Variants in DIPK1A observed in about 807,000 individuals in gnomAD.
DIPK1A encodes the protein family with sequence similarity 69 member A.
In DIPK1A, 27 loss-of-function variants were observed where a neutral mutation model predicts 40.8. That is an observed-to-expected ratio of 0.66 (90% CI 0.49 to 0.91). The LOEUF is 0.91. DIPK1A is among the 40% of genes least tolerant of loss of function. The pLI is 0.00. For synonymous variants in DIPK1A, 166 were observed against 171.3 expected (o/e 0.97, Z 0.24); for missense variants, 412 against 505.7 (o/e 0.81, Z 1.78).
At chr1:92,854,427 T>C (rs1451395006) in intron 2 of DIPK1A, among the ~76,000 whole-genome samples, 5 of 152,240 alleles carry the variant, frequency 3.3e-5, no homozygotes, top group African/African-American at 9.6e-5. Flanking sequence ...TAATGACTAT[T>C]GTATATTGCT....
At chr1:92,855,620 C>T (rs1687964283) in intron 2 of DIPK1A, among the ~76,000 whole-genome samples, 1 of 151,466 alleles carries the variant, frequency 6.6e-6, no homozygotes, top group African/African-American at 2.4e-5. Context: ...AGGAGGATCC[C>T]TTGAACCCAT....
intron 2 of DIPK1A, among the ~76,000 whole-genome samples, chr1:92,857,281 T>C (rs1041671305): frequency 9.9e-5 from 15 of 152,016 alleles, no homozygotes; most frequent in African/African-American, 3.6e-4. Context: ...AGGTTAAGAT[T>C]TGTTAAGAAG....
downstream of DIPK1A, chr1:92,840,661 C>A: frequency 6.4e-7 from 1 of 1,571,218 alleles, no homozygotes; most frequent in South Asian, 1.1e-5. Flanking sequence ...TTTTTTTTGT[C>A]TTTTCAAGAA....
At chr1:92,909,773 A>G (rs1008210648) in intron 1 of DIPK1A, among the ~76,000 whole-genome samples, 9 of 152,220 alleles carry the variant, frequency 5.9e-5, no homozygotes, top group African/African-American at 2.2e-4. Context: ...TCTGCTTTTC[A>G]ATAACAGCAA....
intron 1 of DIPK1A, among the ~76,000 whole-genome samples, chr1:92,902,501 C>T (rs1649460610): frequency 6.6e-6 from 1 of 152,152 alleles, no homozygotes; most frequent in African/African-American, 2.4e-5. Context: ...ATGAGGCCCA[C>T]AAGGAGTGGA....
intron 1 of DIPK1A, among the ~76,000 whole-genome samples, chr1:92,889,720 C>T (rs1041178966): frequency 6.6e-6 from 1 of 151,972 alleles, no homozygotes; most frequent in Non-Finnish European, 1.5e-5. Context: ...TAATCTCGAC[C>T]CACTGCAGCC....
chr1:92,901,290 G>A (rs1021124831), intron 1 of DIPK1A, among the ~76,000 whole-genome samples: 38 of 152,024 alleles, frequency 2.5e-4, no homozygotes, highest in Admixed American at 1.2e-3. Flanking sequence ...TAGCAGTGCT[G>A]GGTTCTGGGA....
At chr1:92,901,943 A>G (rs1649430050) in intron 1 of DIPK1A, among the ~76,000 whole-genome samples, 1 of 152,130 alleles carries the variant, frequency 6.6e-6, no homozygotes, top group South Asian at 2.1e-4. Context: ...ACAGGATATT[A>G]CATCAGCTCA....
intron 1 of DIPK1A, 28 bp downstream of exon 1, chr1:92,961,348 G>T: frequency 1.3e-6 from 2 of 1,487,692 alleles, no homozygotes; most frequent in Non-Finnish European, 1.8e-6. Flanking sequence ...TGCTCCCGCA[G>T]CTGGTGGCTG....
At chr1:92,895,774 T>C (rs981869761) in intron 1 of DIPK1A, among the ~76,000 whole-genome samples, 1 of 151,950 alleles carries the variant, frequency 6.6e-6, no homozygotes, top group Non-Finnish European at 1.5e-5. Context: ...CAGCCCAAAA[T>C]CTCCTTAAGC....
chr1:92,883,155 A>G (rs1648453596), intron 1 of DIPK1A, among the ~76,000 whole-genome samples: 2 of 152,238 alleles, frequency 1.3e-5, no homozygotes, highest in South Asian at 2.1e-4. Flanking sequence ...AAGAGCTTCA[A>G]GGCTAAGAAA....
intron 4 of DIPK1A, chr1:92,846,013 TAACC>T (rs1687588445): frequency 6.6e-6 from 1 of 152,084 alleles, no homozygotes. Context: ...ACAAAACAAA[TAACC>T]AACCATCTTT....
chr1:92,896,309 G>T (rs1375226066), intron 1 of DIPK1A, among the ~76,000 whole-genome samples: 5 of 152,128 alleles, frequency 3.3e-5, no homozygotes, highest in Middle Eastern at 3.4e-3. Context: ...AAACAGAGAT[G>T]TAGACCAATG....
intron 1 of DIPK1A, among the ~76,000 whole-genome samples, chr1:92,951,552 G>T (rs1651634536): frequency 6.6e-6 from 1 of 152,192 alleles, no homozygotes; most frequent in Non-Finnish European, 1.5e-5. Flanking sequence ...AAAACTCTGA[G>T]ATCAGGGTAC....
chr1:92,852,365 G>A (rs1218391568), intron 2 of DIPK1A, among the ~76,000 whole-genome samples: 1 of 152,136 alleles, frequency 6.6e-6, no homozygotes, highest in South Asian at 2.1e-4. Flanking sequence ...GGGCGTGGTG[G>A]CGCATGCCTG....
In DIPK1A at chr1:92,938,156, C is replaced by T. The variant is rs182858108; in HGVS notation, c.54+23220G>A. 6.6e-5 allele frequency among the ~76,000 whole-genome samples: 10 copies of T among 151,576 alleles called. No individual in the cohort carries two copies. The East Asian group carries it at 1.2e-3, about 18-fold the overall frequency. ...GCATGGTGGTGCACACCTGTAGTCC[C>T]AGCTACTCAGGAGGCTGAGCCAGAA... On this transcript the variant is annotated intron_variant, in intron 1 of 4. Transcript: ENST00000370310.
rs1194590912 is a variant in DIPK1A at position 92,945,143 on chromosome 1, A to G, written c.54+16233T>C. Among the ~76,000 whole-genome samples the G allele has an allele frequency of 3.9e-5, 6 of 152,198 alleles. No individual in the cohort carries two copies. The South Asian group carries it at 8.3e-4, about 21-fold the overall frequency. ...ATCCGGTCACCATGGGAACGCAAGC[A>G]TGGAGGAGGGAGGTTTCTGGTAAGA... On this transcript the variant is annotated intron_variant, in intron 1 of 4. Coordinates refer to ENST00000370310, the MANE Select transcript of DIPK1A (RefSeq NM_001006605.5).
At chr1:92,872,363 C>T (rs1410221848) in intron 2 of DIPK1A, among the ~76,000 whole-genome samples, 4 of 151,784 alleles carry the variant, frequency 2.6e-5, no homozygotes, top group South Asian at 4.2e-4. Context: ...ATTACAGGTA[C>T]GAGCCACCAT....
chr1:92,877,723 A>C (rs1169846704), intron 1 of DIPK1A, among the ~76,000 whole-genome samples: 2 of 152,214 alleles, frequency 1.3e-5, no homozygotes, highest in Non-Finnish European at 2.9e-5. Flanking sequence ...CTAAGTAAAA[A>C]GAAAGTTCAG....
Sources: gnomAD v4.1 joint callset for allele counts (sites outside exome capture counted in the v4.1 genomes callset) on GRCh38, gnomAD v4.1.1 for gene constraint, MANE v1.5 for transcripts, NCBI Gene and HGNC (gene_info 2026-07-23, HGNC 2026-07-21) for gene names.